The following BAZ2B variants were observed in gnomAD, a reference collection of about 807,000 sequenced individuals.
BAZ2B encodes bromodomain adjacent to zinc finger domain 2B, also known as bromodomain adjacent to zinc finger domain protein 2B.
A neutral mutation model predicts 246.0 loss-of-function variants in BAZ2B; 91 were observed. That is an observed-to-expected ratio of 0.37 (90% CI 0.31 to 0.44). BAZ2B has a LOEUF of 0.44. BAZ2B is among the 20% of genes least tolerant of loss of function. The pLI is 1.00. For missense variants in BAZ2B, 2,332 were observed against 2,533.7 expected, an observed-to-expected ratio of 0.92 and a Z score of 1.71; for synonymous variants, 855 against 860.0, an observed-to-expected ratio of 0.99 and a Z score of 0.10.
At chr2:159,524,390 G>C (rs1262976468) in intron 2 of BAZ2B, among the ~76,000 whole-genome samples, 2 of 152,070 alleles carry the variant, frequency 1.3e-5, no homozygotes, top group East Asian at 3.9e-4. Context: ...GGAAGTCAAG[G>C]CTGCAGTGAG....
At chr2:159,651,560 G>T in the BAZ2B span, among the ~76,000 whole-genome samples, 60,985 of 151,814 alleles carry the variant, frequency 0.4, 12,765 homozygotes, top group African/African-American at 0.5. Context: ...ATAATTTTTT[G>T]AGGTTTTAAA....
chr2:159,326,028 G>C, intron 34 of BAZ2B, 110 bp from the exon 35 acceptor site: 1 of 910,080 alleles, frequency 1.1e-6, no homozygotes, highest in Non-Finnish European at 1.6e-6. Context: ...GAATAACTCT[G>C]ATCTAGAATG....
In BAZ2B at chr2:159,332,285, G is replaced by T. The variant is rs191279188; in HGVS notation, c.5943+255C>A. On this transcript the variant is annotated intron_variant, in intron 34 of 36. Transcript: ENST00000392783. The stretch of plus-strand genomic sequence containing the variant: ...AGGAAGATTGCTTGAGGCCAGGGAT[G>T]AGACCACTGCAGGCAACATAGCAAG... Among the ~76,000 whole-genome samples, 694 of 150,006 alleles carry T rather than the reference G, an allele frequency of 4.6e-3. 4 individuals carry two copies. The highest frequency in any genetic ancestry group is 0.016 in the African/African-American group (667 of 40,804).
Position 159,318,985 on chromosome 2 carries a change from T to C in BAZ2B, c.*1280A>G, listed in dbSNP as rs1378585967. 1 of 152,656 alleles carries C rather than the reference T, an allele frequency of 6.6e-6. No individual in the cohort carries two copies. The highest frequency in any genetic ancestry group is 1.5e-5 in the Non-Finnish European group (1 of 68,052). The allele number at this position is 152,656 out of a possible 1,614,324, so 9.5% of individuals were successfully genotyped here. ...ATTAAGAAAAACTAAAAAATTAGTTTGTAAAAGTCTTTTATTGTATCCGTG... is the reference window on the plus strand; with the variant it reads ...ATTAAGAAAAACTAAAAAATTAGTTCGTAAAAGTCTTTTATTGTATCCGTG... On this transcript the variant is annotated 3_prime_UTR_variant, in exon 37 of 37. Coordinates refer to ENST00000392783, the MANE Select transcript of BAZ2B (RefSeq NM_013450.4).
At chr2:159,380,471 T>G (rs1037069199) in intron 25 of BAZ2B, among the ~76,000 whole-genome samples, 1 of 152,172 alleles carries the variant, frequency 6.6e-6, no homozygotes. Context: ...TTTTGCAATG[T>G]TTGATTTTCT....
intron 2 of BAZ2B, among the ~76,000 whole-genome samples, chr2:159,546,543 C>A (rs1346084389): frequency 6.7e-6 from 1 of 149,802 alleles, no homozygotes; most frequent in African/African-American, 2.5e-5. Flanking sequence ...GACTGCAAAA[C>A]TTTTAGTTCA....
chr2:159,373,107 C>T lies in BAZ2B; in HGVS notation c.4151G>A (p.Arg1384His). The change falls in exon 27 of 37, where the codon CGC becomes CAC. Residue 1384 changes from arginine to histidine, a missense_variant. Physicochemically the swap from Arg to His is conservative, Grantham distance 29. Around this residue, in one of 9 missense-constraint regions of BAZ2B, gnomAD observed 676 missense variants for 668.6 expected, o/e 1.01. Coordinates refer to ENST00000392783, the MANE Select transcript of BAZ2B (RefSeq NM_013450.4). The stretch of plus-strand genomic sequence containing the variant: ...ACATTGGGGAAGAATCCAGTACCGG[C>T]GTCTGTAACGATCTTGGCCAAACAT... ...SVMFGQDRYR[R>H]RYWILPQCGG... The T allele has an allele frequency of 6.2e-7, 1 of 1,614,002 alleles. No homozygotes were observed. The highest frequency in any genetic ancestry group is 8.5e-7 in the Non-Finnish European group (1 of 1,179,902).
intron 1 of BAZ2B, among the ~76,000 whole-genome samples, chr2:159,592,828 C>T (rs1269484042): frequency 1.3e-5 from 2 of 152,180 alleles, no homozygotes; most frequent in African/African-American, 2.4e-5. Context: ...TAAGCCACTA[C>T]GAGATTCCTG....
At chr2:159,543,324 T>C (rs561816586) in intron 2 of BAZ2B, among the ~76,000 whole-genome samples, 12 of 152,142 alleles carry the variant, frequency 7.9e-5, no homozygotes, top group Non-Finnish European at 1.6e-4. Flanking sequence ...ATTTTAGGTA[T>C]GATAATGCTA....
chr2:159,578,730 G>T (rs1033488807), intron 1 of BAZ2B, among the ~76,000 whole-genome samples: 2 of 152,146 alleles, frequency 1.3e-5, no homozygotes, highest in African/African-American at 4.8e-5. Context: ...CTGTCTCTAG[G>T]ACCACAGTGC....
At chr2:159,359,266 A>G (rs1237066741) in intron 27 of BAZ2B, among the ~76,000 whole-genome samples, 1 of 152,238 alleles carries the variant, frequency 6.6e-6, no homozygotes, top group Non-Finnish European at 1.5e-5. Context: ...AAAACATGAT[A>G]AAGTGGATAT....
Position 159,420,173 on chromosome 2 carries a change from T to A in BAZ2B, c.2467-7628A>T, listed in dbSNP as rs570150785. ...CATTAGTTTTTCTTCAAATTCAGGC[T>A]TTCAACTTCATTTCTGTACTGAAAG... is the stretch of plus-strand genomic sequence containing the variant. On this transcript the variant is annotated intron_variant, in intron 13 of 36. Transcript: ENST00000392783. Among the ~76,000 whole-genome samples, 31 of 152,346 alleles carry A rather than the reference T, an allele frequency of 2.0e-4. 1 individual carries two copies. The highest frequency in any genetic ancestry group is 3.7e-4 in the Non-Finnish European group (25 of 68,024).
intron 1 of BAZ2B, among the ~76,000 whole-genome samples, chr2:159,590,070 C>T (rs1688945835): frequency 6.6e-6 from 1 of 151,268 alleles, no homozygotes; most frequent in Non-Finnish European, 1.5e-5. Context: ...GCCTGTAATC[C>T]CAGCAACTTG....
the BAZ2B span, among the ~76,000 whole-genome samples, chr2:159,685,510 T>C: frequency 6.6e-6 from 1 of 151,878 alleles, no homozygotes; most frequent in Admixed American, 6.6e-5. Flanking sequence ...AAAGAAACCT[T>C]GAAGAAATAG....
intron 17 of BAZ2B, 36 bp downstream of exon 17, chr2:159,400,563 A>T (rs1040602895): frequency 1.6e-6 from 2 of 1,289,222 alleles, no homozygotes; most frequent in Admixed American, 4.2e-5. Context: ...ATATATGGCT[A>T]AATTACTTTA....
chr2:159,393,132 GTGCATAA>G (rs2063548794), intron 20 of BAZ2B, among the ~76,000 whole-genome samples: 1 of 152,094 alleles, frequency 6.6e-6, no homozygotes, highest in African/African-American at 2.4e-5. Flanking sequence ...TCAGAATATA[GTGCATAA>G]GGGACAAATT....
chr2:159,546,230 C>T lies in BAZ2B; in HGVS notation c.-3+9593G>A, dbSNP rs528037984. ...ATGGGAGGAACCCAGTGGGAGGTGA[C>T]TGAATTACGGGGGCGGGTCCTTCGT... On this transcript the variant is annotated intron_variant, in intron 2 of 36. Transcript: ENST00000392783. 7.2e-5 allele frequency among the ~76,000 whole-genome samples: 11 copies of T among 152,112 alleles called. No homozygotes were observed. The South Asian group carries it at 1.9e-3, about 26-fold the overall frequency.
At chr2:159,670,515 C>G in the BAZ2B span, among the ~76,000 whole-genome samples, 2 of 152,042 alleles carry the variant, frequency 1.3e-5, no homozygotes, top group Admixed American at 1.3e-4. Context: ...ACATACCATA[C>G]GTTGTTATAG....
At chr2:159,637,791 A>G in the BAZ2B span, among the ~76,000 whole-genome samples, 1 of 152,166 alleles carries the variant, frequency 6.6e-6, no homozygotes, top group Admixed American at 6.5e-5. Context: ...CGAACTTGTG[A>G]GCTCAAGCAA....
Sources: allele counts gnomAD v4.1 joint callset (sites outside exome capture counted in the v4.1 genomes callset), GRCh38; gene constraint gnomAD v4.1.1; regional missense constraint gnomAD v4.1.1; transcripts MANE v1.5; gene names NCBI Gene and HGNC (gene_info 2026-07-23, HGNC 2026-07-21).